Variants in ACOX3 observed in about 807,000 individuals in gnomAD.
The protein encoded by ACOX3 is peroxisomal acyl-coenzyme A oxidase 3.
A neutral mutation model predicts 81.5 loss-of-function variants in ACOX3; 73 were observed. That is an observed-to-expected ratio of 0.90 (90% CI 0.74 to 1.09). ACOX3 has a LOEUF of 1.09. Among genes scored for constraint, ACOX3 ranks in the 50% least tolerant of loss-of-function variants. The pLI, the probability that ACOX3 is intolerant of heterozygous loss-of-function variation, is 0.00. For missense variants in ACOX3, 947 were observed against 928.0 expected (o/e 1.02, Z -0.27); for synonymous variants, 387 against 375.1 (o/e 1.03, Z -0.37).
At position 8,395,506 on chromosome 4, in the gene ACOX3, G is replaced by A. The variant is rs1254149551; in HGVS notation, c.1057-764C>T. 2.0e-5 allele frequency among the ~76,000 whole-genome samples: 3 copies of A among 152,228 alleles called. No homozygotes were observed. The South Asian group carries it at 6.2e-4, about 32-fold the overall frequency. On this transcript the variant is annotated intron_variant, in intron 9 of 17. Coordinates refer to ENST00000356406, the MANE Select transcript of ACOX3 (RefSeq NM_003501.3). ...TGGTCTAACGTGTCAAGAGTGCTGA[G>A]CAGACATGGCGCCAGCTGCCTCCAT...
chr4:8,361,093 G>A, the ACOX3 span, among the ~76,000 whole-genome samples: 1 of 152,124 alleles, frequency 6.6e-6, no homozygotes, highest in Non-Finnish European at 1.5e-5. Flanking sequence ...AGAACACATG[G>A]AAATGTGGAT....
downstream of ACOX3, among the ~76,000 whole-genome samples, chr4:8,364,489 CCG>C (rs1715307628): frequency 1.1e-5 from 1 of 93,920 alleles, no homozygotes; most frequent in Non-Finnish European, 2.4e-5. The surrounding 1 kb of genome is among the most constrained non-coding windows in gnomAD (Gnocchi z 5.0). Flanking sequence ...GCATGAGAAC[CCG>C]TCGTGTCTGA....
chr4:8,371,932 G>C lies in ACOX3; in HGVS notation c.1897-938C>G, dbSNP rs547416295. On this transcript the variant is annotated intron_variant, in intron 16 of 17. Coordinates refer to ENST00000356406, the MANE Select transcript of ACOX3 (RefSeq NM_003501.3). Reference sequence around the variant, plus strand: ...AGGCACCCACAGACGACACTCAGGTGAACGGCAGGATTGGACTGAGTTTGC... The same window carrying C: ...AGGCACCCACAGACGACACTCAGGTCAACGGCAGGATTGGACTGAGTTTGC... Among the ~76,000 whole-genome samples the C allele has an allele frequency of 7.2e-4, 110 of 152,390 alleles. No individual in the cohort carries two copies. In the South Asian group the frequency reaches 0.022, roughly 30 times the overall value.
intron 5 of ACOX3, among the ~76,000 whole-genome samples, chr4:8,413,867 G>A (rs1252350329): frequency 6.6e-6 from 1 of 152,252 alleles, no homozygotes; most frequent in African/African-American, 2.4e-5. Flanking sequence ...GACAAGGCAG[G>A]CTCTTCGCAG....
intron 5 of ACOX3, among the ~76,000 whole-genome samples, chr4:8,413,549 CATCT>C (rs60818614): frequency 0.15 from 20,623 of 137,266 alleles, 1,928 homozygotes; most frequent in South Asian, 0.22. Flanking sequence ...CCAGGGCATC[CATCT>C]GTGTCCCGTC....
chr4:8,395,245 G>T (rs892888336), intron 9 of ACOX3, among the ~76,000 whole-genome samples: 42 of 150,504 alleles, frequency 2.8e-4, no homozygotes, highest in African/African-American at 1.0e-3. Context: ...CCTATTGTTG[G>T]ATGGGGGGGT....
In ACOX3 at chr4:8,385,970, G is replaced by A. The variant is rs181707654; in HGVS notation, c.1537+3203C>T. Among the ~76,000 whole-genome samples the A allele has an allele frequency of 1.2e-4, 18 of 152,288 alleles. No homozygotes were observed. In the South Asian group the frequency reaches 1.5e-3, roughly 12 times the overall value. ...GAAAGCCATTTGCCTTTGTTACTCC[G>A]GAAAACGTTTTCACTTTGTTGCATC... On this transcript the variant is annotated intron_variant, in intron 13 of 17. Coordinates refer to ENST00000356406, the MANE Select transcript of ACOX3 (RefSeq NM_003501.3). This position sits in a 1 kb window ranked among gnomAD's most constrained non-coding sequence, Gnocchi z 5.5.
At chr4:8,424,435 T>G (rs575629884) in intron 1 of ACOX3, among the ~76,000 whole-genome samples, 87 of 152,328 alleles carry the variant, frequency 5.7e-4, no homozygotes, top group Admixed American at 1.4e-3. Flanking sequence ...AGGGACCAGG[T>G]TGCAACCCAT....
At chr4:8,424,779 C>T (rs551577385) in intron 1 of ACOX3, among the ~76,000 whole-genome samples, 46 of 152,228 alleles carry the variant, frequency 3.0e-4, no homozygotes, top group South Asian at 1.7e-3. Context: ...CTCAAACCTA[C>T]GCCGCTCGAG....
Position 8,381,919 on chromosome 4 carries a change from AC to A in ACOX3, c.1538-313del. 6.6e-6 allele frequency among the ~76,000 whole-genome samples: 1 copy of A among 152,354 alleles called. No homozygotes were observed. Among genetic ancestry groups the A allele is most frequent in the South Asian group, 2.1e-4 (1 of 4,834 alleles). On this transcript the variant is annotated intron_variant, in intron 13 of 17. Transcript: ENST00000356406. This position sits in a 1 kb window ranked among gnomAD's most constrained non-coding sequence, Gnocchi z 4.3. ...CCGCTAGAGTGGGCCCCCGAGTGGG[AC>A]GGCTGCACGTTCTCGCACGCACCAG...
rs528000282 is a variant in ACOX3 at position 8,402,566 on chromosome 4, T to C, written c.777-2914A>G. ...TCACCACACAGAATATATTTATACT[T>C]GCAAAAACATTCCCGTGAGTTTCAA... On this transcript the variant is annotated intron_variant, in intron 7 of 17. Transcript: ENST00000356406. Among the ~76,000 whole-genome samples, 6 of 152,334 alleles carry C rather than the reference T, an allele frequency of 3.9e-5. No individual in the cohort carries two copies. In the East Asian group the frequency reaches 1.2e-3, roughly 29 times the overall value.
In ACOX3 at chr4:8,382,185, A is replaced by G. The variant is rs1236777568; in HGVS notation, c.1538-578T>C. On this transcript the variant is annotated intron_variant, in intron 13 of 17. Coordinates refer to ENST00000356406, the MANE Select transcript of ACOX3 (RefSeq NM_003501.3). The surrounding 1 kb of genome is among the most constrained non-coding windows in gnomAD (Gnocchi z 4.1). ...TGCGTGGCCCCTTCCACAAAGCTCA[A>G]AAGGGCAGGAGGGAGCAGATGTTGC... Among the ~76,000 whole-genome samples the G allele has an allele frequency of 6.6e-6, 1 of 152,186 alleles. No homozygotes were observed. The highest frequency in any genetic ancestry group is 1.5e-5 in the Non-Finnish European group (1 of 68,026).
chr4:8,389,387 C>T lies in ACOX3; in HGVS notation c.1424-101G>A. The T allele has an allele frequency of 7.5e-7, 1 of 1,333,176 alleles. No homozygotes were observed. Among genetic ancestry groups the T allele is most frequent in the Non-Finnish European group, 1.0e-6 (1 of 965,262 alleles). The allele number at this position is 1,333,176 out of a possible 1,614,324, so 82.6% of individuals were successfully genotyped here. On this transcript the variant is annotated intron_variant, in intron 12 of 17. Transcript: ENST00000356406. This position sits in a 1 kb window ranked among gnomAD's most constrained non-coding sequence, Gnocchi z 5.3. ...CAAAGCACAGAGAGTGTCCAGAGGA[C>T]CCGACGGCCACAGACCCACAGGCGA... is the stretch of plus-strand genomic sequence containing the variant.
chr4:8,411,890 G>C (rs952232312), intron 5 of ACOX3, among the ~76,000 whole-genome samples: 1 of 152,258 alleles, frequency 6.6e-6, no homozygotes, highest in Admixed American at 6.5e-5. Context: ...AATGCCTGCT[G>C]TCCAAATAAA....
At chr4:8,376,417 G>A (rs528222999) in intron 14 of ACOX3, among the ~76,000 whole-genome samples, 2 of 151,744 alleles carry the variant, frequency 1.3e-5, no homozygotes, top group African/African-American at 2.4e-5. Flanking sequence ...AGGAGGACCC[G>A]GCTGCATGCC....
chr4:8,433,375 T>C (rs771067925), intron 1 of ACOX3, among the ~76,000 whole-genome samples: 25 of 152,300 alleles, frequency 1.6e-4, no homozygotes, highest in Admixed American at 8.5e-4. Context: ...GAGGCAGAGA[T>C]TGAAGTGCTG....
At chr4:8,413,222 G>C (rs537905165) in intron 5 of ACOX3, among the ~76,000 whole-genome samples, 12 of 131,804 alleles carry the variant, frequency 9.1e-5, no homozygotes, top group African/African-American at 3.6e-4. Flanking sequence ...GACAGCCCCA[G>C]GGCATCCATC....
intron 14 of ACOX3, among the ~76,000 whole-genome samples, chr4:8,378,737 C>A (rs1717281383): frequency 6.6e-6 from 1 of 152,222 alleles, no homozygotes; most frequent in African/African-American, 2.4e-5. Flanking sequence ...TTTTTAAAGA[C>A]CTTTCTGTGC....
At chr4:8,377,172 G>C (rs1053687400) in intron 14 of ACOX3, among the ~76,000 whole-genome samples, 1 of 152,162 alleles carries the variant, frequency 6.6e-6, no homozygotes, top group Non-Finnish European at 1.5e-5. Flanking sequence ...GGTCCTCTGC[G>C]AACCCAGAGA....
Sources: gnomAD v4.1 joint callset for allele counts (sites outside exome capture counted in the v4.1 genomes callset) on GRCh38, gnomAD v4.1.1 for gene constraint, Gnocchi (gnomAD v3.1) non-coding constraint, MANE v1.5 for transcripts, NCBI Gene and HGNC (gene_info 2026-07-23, HGNC 2026-07-21) for gene names.